The following FAM118A variants were observed in gnomAD, a reference collection of about 807,000 sequenced individuals.
FAM118A encodes the protein protein FAM118A.
FAM118A carries 25 observed loss-of-function variants against 38.2 expected under a neutral mutation model. That is an observed-to-expected ratio of 0.65 (90% confidence interval 0.48 to 0.91). The LOEUF (loss-of-function observed/expected upper bound fraction) is 0.91. Among genes scored for constraint, FAM118A ranks in the 40% least tolerant of loss-of-function variants. The pLI is 0.00. For synonymous variants in FAM118A, 178 were observed against 184.1 expected, an observed-to-expected ratio of 0.97 and a Z score of 0.27; for missense variants, 425 against 463.3, an observed-to-expected ratio of 0.92 and a Z score of 0.76.
intron 5 of FAM118A, among the ~76,000 whole-genome samples, chr22:45,331,495 C>G (rs1279137866): frequency 3.9e-5 from 6 of 152,174 alleles, no homozygotes; most frequent in African/African-American, 1.4e-4. Flanking sequence ...CTGCCTTAGT[C>G]TCCCGAGTAG....
At chr22:45,328,620 G>T in intron 4 of FAM118A, 1 of 577,996 alleles carries the variant, frequency 1.7e-6, no homozygotes, top group Non-Finnish European at 3.0e-6. Flanking sequence ...GACAGAGTAA[G>T]ACCCTTTCTC....
chr22:45,311,368 C>G (rs1480289709), intron 1 of FAM118A, among the ~76,000 whole-genome samples: 2 of 152,140 alleles, frequency 1.3e-5, no homozygotes, highest in African/African-American at 4.8e-5. Flanking sequence ...TCCCGGAGGC[C>G]CACCGTGCCC....
chr22:45,323,824 G>A (rs1260499196), intron 3 of FAM118A, among the ~76,000 whole-genome samples: 7 of 152,228 alleles, frequency 4.6e-5, no homozygotes, highest in Non-Finnish European at 1.0e-4. Context: ...TCTGAAGATG[G>A]GAGAAGTTCC....
chr22:45,313,598 C>T (rs1269357078), intron 1 of FAM118A, among the ~76,000 whole-genome samples: 2 of 152,158 alleles, frequency 1.3e-5, no homozygotes, highest in Non-Finnish European at 1.5e-5. Flanking sequence ...GCTGGGATTA[C>T]AGGTGTGAGC....
chr22:45,337,723 G>T (rs2086206041), intron 8 of FAM118A: 1 of 509,266 alleles, frequency 2.0e-6, no homozygotes, highest in African/African-American at 2.1e-5. Flanking sequence ...CTCTGAGATG[G>T]AGGCCTAGGT....
rs768497554 is a variant in FAM118A, at chr22:45,330,763, CCT to C, written c.651+36_651+37del. The C allele has an allele frequency of 9.4e-6, 14 of 1,495,910 alleles. No homozygotes were observed. The African/African-American group carries it at 1.3e-4, about 14-fold the overall frequency. 92.7% of individuals were successfully genotyped at this position (1,495,910 alleles called of 1,614,324 possible). ...CCCGTCCTAATTAGCATCGGTGCGT[CCT>C]CTCAGGGATTACTGGTGGCCACTGG... On this transcript the variant is annotated intron_variant, in intron 5 of 8. Coordinates refer to ENST00000441876, the MANE Select transcript of FAM118A (RefSeq NM_017911.4).
chr22:45,320,855 A>G (rs1322777296), intron 1 of FAM118A, among the ~76,000 whole-genome samples: 1 of 152,182 alleles, frequency 6.6e-6, no homozygotes, highest in Non-Finnish European at 1.5e-5. Flanking sequence ...TACAGTGTTC[A>G]TACTCTCTAA....
rs2086290005 is a variant in FAM118A at position 45,338,988 on chromosome 22, GT to G, written c.1055-1397del. 2.0e-5 allele frequency among the ~76,000 whole-genome samples: 3 copies of G among 152,242 alleles called. No individual in the cohort carries two copies. The South Asian group carries it at 6.2e-4, about 31-fold the overall frequency. ...CACAAGCGAGGGCTGGTGGCAGGGG[GT>G]GGGGGCGCCCTAGCGTCCTGCCGTC... On this transcript the variant is annotated intron_variant, in intron 8 of 8. Transcript: ENST00000441876.
intron 4 of FAM118A, chr22:45,328,341 C>T (rs904868829): frequency 9.8e-7 from 1 of 1,025,508 alleles, no homozygotes; most frequent in Non-Finnish European, 1.5e-6. Context: ...GGCCTTTGGC[C>T]GGCGGCAGAA....
chr22:45,339,404 A>G (rs1327418459), intron 8 of FAM118A, among the ~76,000 whole-genome samples: 1 of 152,242 alleles, frequency 6.6e-6, no homozygotes, highest in African/African-American at 2.4e-5. Context: ...GTTTCAAAAA[A>G]GATAAAATAA....
At chr22:45,318,930 C>G (rs532717418) in intron 1 of FAM118A, 4 of 152,308 alleles carry the variant, frequency 2.6e-5, no homozygotes, top group South Asian at 4.1e-4. Flanking sequence ...GAGCCACAGA[C>G]CACCCAGGAG....
At chr22:45,324,160 C>T (rs2085085840) in intron 3 of FAM118A, among the ~76,000 whole-genome samples, 3 of 152,188 alleles carry the variant, frequency 2.0e-5, no homozygotes, top group African/African-American at 4.8e-5. Context: ...AAAGTGAGCT[C>T]GTCACCAAGG....
chr22:45,320,845 T>C lies in FAM118A; in HGVS notation c.-9-1526T>C, dbSNP rs186230618. On this transcript the variant is annotated intron_variant, in intron 1 of 8. Transcript: ENST00000441876. Reference sequence around the variant, plus strand: ...TTTGGTGGTGTGTGCTAAGATATTTTACAGTGTTCATACTCTCTAACTCAG... The same window carrying C: ...TTTGGTGGTGTGTGCTAAGATATTTCACAGTGTTCATACTCTCTAACTCAG... 1.9e-4 allele frequency among the ~76,000 whole-genome samples: 29 copies of C among 152,342 alleles called. No individual in the cohort carries two copies. The East Asian group carries it at 5.6e-3, about 29-fold the overall frequency.
At chr22:45,324,669 G>T (rs1006310914) in intron 3 of FAM118A, among the ~76,000 whole-genome samples, 1 of 152,160 alleles carries the variant, frequency 6.6e-6, no homozygotes, top group African/African-American at 2.4e-5. Context: ...ATTCATTTAC[G>T]TATAGTACGT....
At chr22:45,316,384 C>T (rs1364109594) in intron 1 of FAM118A, among the ~76,000 whole-genome samples, 1 of 152,160 alleles carries the variant, frequency 6.6e-6, no homozygotes, top group Non-Finnish European at 1.5e-5. Context: ...TCTCCCAAGC[C>T]TACGTGGGAA....
intron 1 of FAM118A, among the ~76,000 whole-genome samples, chr22:45,311,903 A>G (rs1054239741): frequency 6.6e-6 from 1 of 150,998 alleles, no homozygotes; most frequent in Admixed American, 6.6e-5. Flanking sequence ...TTGTCCTATT[A>G]CCGTAGGGTC....
intron 3 of FAM118A, among the ~76,000 whole-genome samples, chr22:45,324,371 G>A (rs2085101631): frequency 6.6e-6 from 1 of 152,210 alleles, no homozygotes; most frequent in Admixed American, 6.5e-5. Flanking sequence ...TGTAAATGAT[G>A]TGCGTGCGCG....
intron 5 of FAM118A, among the ~76,000 whole-genome samples, 195 bp downstream of exon 5, chr22:45,330,926 A>G (rs1233820748): frequency 6.6e-6 from 1 of 152,128 alleles, no homozygotes; most frequent in Non-Finnish European, 1.5e-5. Context: ...TGGTGCCTCC[A>G]TGTTGAGTAG....
intron 3 of FAM118A, among the ~76,000 whole-genome samples, chr22:45,324,440 A>G (rs1273332658): frequency 1.3e-5 from 2 of 152,196 alleles, no homozygotes; most frequent in Non-Finnish European, 2.9e-5. Flanking sequence ...TTCAAGGGCC[A>G]CCACTGAAGT....
Sources: gnomAD v4.1 joint callset for allele counts (sites outside exome capture counted in the v4.1 genomes callset) on GRCh38, gnomAD v4.1.1 for gene constraint, MANE v1.5 for transcripts, NCBI Gene and HGNC (gene_info 2026-07-23, HGNC 2026-07-21) for gene names.